The following SUGCT variants were observed in gnomAD, a reference collection of about 807,000 sequenced individuals.
SUGCT encodes succinyl-CoA:glutarate-CoA transferase, also known as succinyl-CoA:glutarate CoA-transferase.
In SUGCT, 41 loss-of-function variants were observed where a neutral mutation model predicts 55.0. The observed-to-expected ratio is 0.74, with a 90% CI of 0.58 to 0.97. The LOEUF (loss-of-function observed/expected upper bound fraction) is 0.97. SUGCT is among the 50% of genes least tolerant of loss of function. The pLI is 0.00. For missense variants in SUGCT, 568 were observed against 547.8 expected (o/e 1.04, Z -0.37); for synonymous variants, 187 against 200.4 (o/e 0.93, Z 0.56).
chr7:40,918,569 A>T, the SUGCT span, among the ~76,000 whole-genome samples: 1 of 151,990 alleles, frequency 6.6e-6, no homozygotes, highest in African/African-American at 2.4e-5. Flanking sequence ...GGAATAATCT[A>T]CTTGTTTTAG....
At chr7:40,442,776 G>A (rs1334246177) in intron 9 of SUGCT, among the ~76,000 whole-genome samples, 1 of 152,088 alleles carries the variant, frequency 6.6e-6, no homozygotes, top group Non-Finnish European at 1.5e-5. Context: ...ACAACGTGCA[G>A]GTTTGTTACA....
At chr7:40,430,705 T>A (rs925006756) in intron 9 of SUGCT, among the ~76,000 whole-genome samples, 5 of 152,322 alleles carry the variant, frequency 3.3e-5, no homozygotes, top group Non-Finnish European at 7.4e-5. Context: ...TTCCTTAGTT[T>A]TTGGTGTGAT....
At chr7:40,945,546 G>C in the SUGCT span, among the ~76,000 whole-genome samples, 1 of 152,160 alleles carries the variant, frequency 6.6e-6, no homozygotes, top group East Asian at 1.9e-4. Context: ...GGAAGAAGAA[G>C]TCCTTTTCAC....
chr7:40,930,847 TAC>T, the SUGCT span, among the ~76,000 whole-genome samples: 1 of 152,210 alleles, frequency 6.6e-6, no homozygotes, highest in South Asian at 2.1e-4. Flanking sequence ...TTTCTAAATA[TAC>T]AATCATGTCA....
At chr7:40,258,875 T>G (rs1297229286) in intron 7 of SUGCT, among the ~76,000 whole-genome samples, 2 of 152,198 alleles carry the variant, frequency 1.3e-5, no homozygotes, top group Non-Finnish European at 2.9e-5. Context: ...GGAAGAGATA[T>G]GTGCACTCCT....
intron 12 of SUGCT, among the ~76,000 whole-genome samples, chr7:40,582,832 C>T (rs971123099): frequency 6.6e-6 from 1 of 152,110 alleles, no homozygotes; most frequent in African/African-American, 2.4e-5. Context: ...TATATATTAG[C>T]TCTGTATCCA....
At chr7:40,624,217 A>C (rs1409280437) in intron 12 of SUGCT, among the ~76,000 whole-genome samples, 1 of 152,094 alleles carries the variant, frequency 6.6e-6, no homozygotes, top group Non-Finnish European at 1.5e-5. Context: ...CTCCTCCCCC[A>C]GTATCTTCCT....
chr7:40,367,277 A>C lies in SUGCT; in HGVS notation c.816+50422A>C, dbSNP rs186166891. Among the ~76,000 whole-genome samples, 17 of 78,848 alleles carry C rather than the reference A, an allele frequency of 2.2e-4. No homozygotes were observed. The East Asian group carries it at 4.4e-3, about 20-fold the overall frequency. 51.7% of individuals were successfully genotyped at this position (78,848 alleles called of 152,430 possible). A position where few individuals can be genotyped will look rare whatever the true frequency, so the allele number is the denominator to read the frequency against. ...CCGGGGACTGTTGTGGGGTGGGGGG[A>C]GGGGGGGAGGAATAGCATTAGGAGA... On this transcript the variant is annotated intron_variant, in intron 9 of 13. Coordinates refer to ENST00000335693, the MANE Select transcript of SUGCT (RefSeq NM_001193313.2).
the SUGCT span, among the ~76,000 whole-genome samples, chr7:40,903,934 T>C: frequency 1.3e-5 from 2 of 152,174 alleles, no homozygotes; most frequent in African/African-American, 4.8e-5. Context: ...TATTTGGGAA[T>C]TGAGGACCAC....
chr7:40,842,922 C>A (rs772296375), intron 13 of SUGCT, among the ~76,000 whole-genome samples: 2 of 152,150 alleles, frequency 1.3e-5, no homozygotes, highest in South Asian at 2.1e-4. Flanking sequence ...AGTGAAAATG[C>A]CTCACCTTGC....
intron 1 of SUGCT, among the ~76,000 whole-genome samples, chr7:40,169,259 C>T (rs1048838599): frequency 2.1e-4 from 32 of 152,194 alleles, no homozygotes; most frequent in African/African-American, 7.0e-4. Flanking sequence ...AGTAAAGTTC[C>T]CCAGTCACAA....
intron 11 of SUGCT, among the ~76,000 whole-genome samples, chr7:40,482,442 A>G (rs1205901276): frequency 6.6e-6 from 1 of 152,188 alleles, no homozygotes; most frequent in African/African-American, 2.4e-5. Context: ...AATTATTTCT[A>G]TGTGGTAAGG....
chr7:40,370,943 G>A (rs761802388), intron 9 of SUGCT, among the ~76,000 whole-genome samples: 35 of 151,970 alleles, frequency 2.3e-4, no homozygotes, highest in Non-Finnish European at 3.1e-4. Context: ...TTAACTCTCA[G>A]TACTGTTGTA....
chr7:41,008,334 T>A, the SUGCT span, among the ~76,000 whole-genome samples: 1,029 of 152,310 alleles, frequency 6.8e-3, 7 homozygotes, highest in African/African-American at 0.024. Flanking sequence ...TGGGAGGGCA[T>A]CTCAGGTCTC....
intron 12 of SUGCT, among the ~76,000 whole-genome samples, chr7:40,581,718 G>A (rs1030178208): frequency 6.6e-6 from 1 of 152,188 alleles, no homozygotes; most frequent in East Asian, 1.9e-4. Flanking sequence ...CCATAGGCTA[G>A]AATATTTAAA....
the SUGCT span, among the ~76,000 whole-genome samples, chr7:41,002,015 T>G: frequency 6.6e-6 from 1 of 152,160 alleles, no homozygotes; most frequent in Non-Finnish European, 1.5e-5. Flanking sequence ...CTCATTAGAC[T>G]GCGAACTTTT....
chr7:40,746,917 C>G (rs1038378958), intron 12 of SUGCT, among the ~76,000 whole-genome samples: 7 of 152,136 alleles, frequency 4.6e-5, no homozygotes, highest in African/African-American at 1.7e-4. Context: ...AACAGAGATA[C>G]GAGGAGAGAA....
chr7:40,752,562 G>A (rs1358482651), intron 13 of SUGCT, among the ~76,000 whole-genome samples: 2 of 152,016 alleles, frequency 1.3e-5, no homozygotes, highest in African/African-American at 4.8e-5. Context: ...CACCATGTTG[G>A]CCAGGCTGGT....
intron 12 of SUGCT, among the ~76,000 whole-genome samples, chr7:40,623,871 T>C (rs1230376079): frequency 6.6e-6 from 1 of 152,236 alleles, no homozygotes; most frequent in Non-Finnish European, 1.5e-5. Context: ...TAAATATTTC[T>C]TTCTTACTTT....
Sources: allele counts gnomAD v4.1 joint callset (sites outside exome capture counted in the v4.1 genomes callset), GRCh38; gene constraint gnomAD v4.1.1; transcripts MANE v1.5; gene names NCBI Gene and HGNC (gene_info 2026-07-23, HGNC 2026-07-21).